The following HLTF variants were observed in gnomAD, a reference collection of about 807,000 sequenced individuals.
HLTF encodes DNA-dependent ATPase/E3 ubiquitin-protein ligase HLTF.
HLTF carries 127 observed loss-of-function variants against 129.4 expected under a neutral mutation model. That is an observed-to-expected ratio of 0.98 (90% CI 0.85 to 1.14). HLTF has a LOEUF of 1.14. Among genes scored for constraint, HLTF ranks in the 50% most tolerant of loss-of-function variants. The pLI is 0.00. For missense variants in HLTF, 1,139 were observed against 1,187.1 expected, an observed-to-expected ratio of 0.96 and a Z score of 0.60; for synonymous variants, 332 against 388.8, an observed-to-expected ratio of 0.85 and a Z score of 1.72.
chr3:149,036,296 G>GTTTTTTTTTTT (rs1553736642), intron 23 of HLTF, among the ~76,000 whole-genome samples: 6 of 57,582 alleles, frequency 1.0e-4, no homozygotes, highest in East Asian at 5.0e-4. Context: ...AAAACTATGA[G>GTTTTTTTTTTT]GTTTTTTTTT....
rs779066647 is a variant in HLTF at position 149,039,703 on chromosome 3, A to G, written c.2503-10T>C. On this transcript the variant is annotated splice_polypyrimidine_tract_variant and intron_variant, in intron 21 of 24. Coordinates refer to ENST00000310053, the MANE Select transcript of HLTF (RefSeq NM_003071.4). ...GCATTAGCGCATTAATCTGCAAAAA[A>G]TATTAAGATGTCCATTAGATTCCAT... 1.5e-5 allele frequency: 21 copies of G among 1,357,300 alleles called. No homozygotes were observed. The African/African-American group carries it at 2.8e-4, about 18-fold the overall frequency. 84.1% of individuals were successfully genotyped at this position (1,357,300 alleles called of 1,614,324 possible).
At chr3:149,076,586 T>C (rs937808279) in intron 2 of HLTF, among the ~76,000 whole-genome samples, 1 of 152,176 alleles carries the variant, frequency 6.6e-6, no homozygotes, top group Non-Finnish European at 1.5e-5. Flanking sequence ...CTCCAGAATA[T>C]AAAAGTCAGG....
intron 2 of HLTF, among the ~76,000 whole-genome samples, chr3:149,082,692 TAAAA>T (rs1443707591): frequency 6.6e-6 from 1 of 152,298 alleles, no homozygotes; most frequent in East Asian, 1.9e-4. Flanking sequence ...GAAAAAAAAT[TAAAA>T]TAACAAGTAT....
chr3:149,039,170 T>G lies in HLTF; in HGVS notation c.2675A>C (p.Glu892Ala). 6.2e-7 allele frequency: 1 copy of G among 1,610,788 alleles called. No homozygotes were observed. The highest frequency in any genetic ancestry group is 1.7e-5 in the Admixed American group (1 of 59,454). ...AGTGTTTTGAAAACACTGAATTGAT[T>G]CAACTCTTTTCTTTTGGGCCATGGA... ...DGSMAQKKRV[E>A]SIQCFQNTEA... The change falls in exon 23 of 25, where the codon GAA becomes GCA. Residue 892 changes from glutamate to alanine, a missense_variant. Coordinates refer to ENST00000310053, the MANE Select transcript of HLTF (RefSeq NM_003071.4).
At chr3:149,081,452 GA>G (rs1719868918) in intron 2 of HLTF, among the ~76,000 whole-genome samples, 1 of 151,714 alleles carries the variant, frequency 6.6e-6, no homozygotes, top group Non-Finnish European at 1.5e-5. Context: ...GAAATGAAAA[GA>G]AAATAAATCT....
chr3:149,032,971 A>AAC (rs772199811), intron 24 of HLTF, among the ~76,000 whole-genome samples: 1 of 141,064 alleles, frequency 7.1e-6, no homozygotes, highest in African/African-American at 2.7e-5. Flanking sequence ...AAAAAAAAAA[A>AAC]AAAAAACAAA....
rs1174717494 is a variant in HLTF at position 149,086,216 on chromosome 3, A to T, written c.20+101T>A. ...CCAACAGAACGAATACAGCTGCACA[A>T]ATCGCCCAGGGAACGCAGAGGAACG... On this transcript the variant is annotated intron_variant, in intron 1 of 24. Transcript: ENST00000310053. 5.7e-6 allele frequency: 7 copies of T among 1,233,280 alleles called. No individual in the cohort carries two copies. In the Admixed American group the frequency reaches 1.4e-4, roughly 24 times the overall value. 76.4% of individuals were successfully genotyped at this position (1,233,280 alleles called of 1,614,324 possible).
chr3:149,063,026 A>G (rs1718075839), intron 10 of HLTF: 2 of 455,758 alleles, frequency 4.4e-6, no homozygotes, highest in South Asian at 1.6e-5. Flanking sequence ...GAACTACTTA[A>G]CAAATATAAG....
Position 149,041,755 on chromosome 3 carries a change from C to T in HLTF, c.2198-87G>A, listed in dbSNP as rs193071182. The T allele has an allele frequency of 2.2e-3, 1,944 of 898,286 alleles. 3 individuals are homozygous for T. Among genetic ancestry groups the T allele is most frequent in the Non-Finnish European group, 2.5e-3 (1,433 of 584,372 alleles). The allele number at this position is 898,286 out of a possible 1,614,324, so 55.6% of individuals were successfully genotyped here. A position where few individuals can be genotyped will look rare whatever the true frequency, so the allele number is the denominator to read the frequency against. On this transcript the variant is annotated intron_variant, in intron 19 of 24. Transcript: ENST00000310053. ...TCTTATAAGGAAAAGTTTCGCTTGC[C>T]AGTAGGGAAAGTCTCTCATCATTTT...
In HLTF at chr3:149,031,296, A is replaced by G. The variant is rs1715015551; in HGVS notation, c.*924T>C. The G allele has an allele frequency of 1.3e-5, 2 of 152,652 alleles. No individual in the cohort carries two copies. The highest frequency in any genetic ancestry group is 4.8e-5 in the African/African-American group (2 of 41,454). The allele number at this position is 152,652 out of a possible 1,614,324, so 9.5% of individuals were successfully genotyped here. A position where few individuals can be genotyped will look rare whatever the true frequency, so the allele number is the denominator to read the frequency against. ...AGGATTAAGATGTCTTTAAGAGTTGAAACGACTTTGGAGATCATCCAGCCC... is the reference window on the plus strand; with the variant it reads ...AGGATTAAGATGTCTTTAAGAGTTGGAACGACTTTGGAGATCATCCAGCCC... On this transcript the variant is annotated 3_prime_UTR_variant, in exon 25 of 25. Transcript: ENST00000310053.
At position 149,048,181 on chromosome 3, in the gene HLTF, C is replaced by A; in HGVS notation, c.1757-18G>T. ...TGGAGTACCTAGAAATAACAGGAAACTGTTATAACTCTTTAACCAGAGTAT... is the reference window on the plus strand; with the variant it reads ...TGGAGTACCTAGAAATAACAGGAAAATGTTATAACTCTTTAACCAGAGTAT... On this transcript the variant is annotated intron_variant, in intron 16 of 24. Transcript: ENST00000310053. 1 of 1,589,748 alleles carries A rather than the reference C, an allele frequency of 6.3e-7. No individual in the cohort carries two copies. The highest frequency in any genetic ancestry group is 8.5e-7 in the Non-Finnish European group (1 of 1,169,986).
intron 13 of HLTF, among the ~76,000 whole-genome samples, chr3:149,057,953 A>G (rs575738934): frequency 1.0e-3 from 155 of 152,254 alleles, no homozygotes; most frequent in African/African-American, 3.7e-3. Flanking sequence ...CAGCTTCATT[A>G]TATTTTTGTC....
chr3:149,056,787 C>T lies in HLTF; in HGVS notation c.1376-1387G>A, dbSNP rs189014823. On this transcript the variant is annotated intron_variant, in intron 13 of 24. Coordinates refer to ENST00000310053, the MANE Select transcript of HLTF (RefSeq NM_003071.4). ...TTGAACTATGTGATGCACTTACATG[C>T]AAATTTTTGTTAACCAAACGTGGAT... Among the ~76,000 whole-genome samples, 197 of 152,278 alleles carry T rather than the reference C, an allele frequency of 1.3e-3. 2 individuals carry two copies. Among genetic ancestry groups the T allele is most frequent in the African/African-American group, 4.5e-3 (189 of 41,558 alleles).
intron 18 of HLTF, among the ~76,000 whole-genome samples, chr3:149,044,107 T>A (rs1244403191): frequency 6.6e-6 from 1 of 152,118 alleles, no homozygotes; most frequent in African/African-American, 2.4e-5. Context: ...GACAACAGTG[T>A]AAGTCACCTA....
At chr3:149,052,246 G>C (rs983548864) in intron 14 of HLTF, 1 of 151,634 alleles carries the variant, frequency 6.6e-6, no homozygotes, top group African/African-American at 2.4e-5. Context: ...TGAGTAGATG[G>C]AGATCTCATT....
intron 16 of HLTF, among the ~76,000 whole-genome samples, chr3:149,048,494 G>A (rs112285259): frequency 7.9e-4 from 121 of 152,266 alleles, no homozygotes; most frequent in African/African-American, 2.7e-3. Flanking sequence ...ACTAGTTTAA[G>A]TTTACATTCT....
intron 1 of HLTF, among the ~76,000 whole-genome samples, chr3:149,085,853 A>G (rs1720329355): frequency 6.6e-6 from 1 of 152,220 alleles, no homozygotes; most frequent in Admixed American, 6.5e-5. Flanking sequence ...TCCTAAGAAC[A>G]GTCGCTTATT....
At chr3:149,035,756 G>A (rs1715555070) in intron 23 of HLTF, among the ~76,000 whole-genome samples, 3 of 151,280 alleles carry the variant, frequency 2.0e-5, no homozygotes, top group South Asian at 4.2e-4. Context: ...AGTATTTGAC[G>A]TTAGTTTGAC....
In HLTF at chr3:149,039,143, T is replaced by A; in HGVS notation, c.2702A>T (p.Glu901Val). The A allele has an allele frequency of 6.2e-7, 1 of 1,612,858 alleles. No individual in the cohort carries two copies. The highest frequency in any genetic ancestry group is 1.1e-5 in the South Asian group (1 of 90,818). Residue 901 changes from glutamate (E) to valine (V), a missense_variant, in exon 23 of 25, where the codon GAA becomes GTA. Transcript: ENST00000310053. ...AAGCATTATAGTTGGAGATCCTGCT[T>A]CAGTGTTTTGAAAACACTGAATTGA... ...VESIQCFQNT[E>V]AGSPTIMLLS...
Sources: allele counts gnomAD v4.1 joint callset (sites outside exome capture counted in the v4.1 genomes callset), GRCh38; gene constraint gnomAD v4.1.1; transcripts MANE v1.5; gene names NCBI Gene and HGNC (gene_info 2026-07-23, HGNC 2026-07-21).